TGM2: variants seen among roughly 807,000 people sequenced by gnomAD.
The protein encoded by TGM2 is protein-glutamine gamma-glutamyltransferase 2.
TGM2 carries 53 observed loss-of-function variants against 75.6 expected under a neutral mutation model. The observed-to-expected ratio is 0.70, with a 90% CI of 0.56 to 0.88. TGM2 has a LOEUF of 0.88. Ranked by LOEUF, TGM2 falls within the 40% of genes least tolerant of loss-of-function variation. TGM2 has a pLI of 0.00. For missense variants in TGM2, 842 were observed against 928.5 expected, an observed-to-expected ratio of 0.91 and a Z score of 1.21; for synonymous variants, 374 against 381.1, an observed-to-expected ratio of 0.98 and a Z score of 0.22.
upstream of TGM2, among the ~76,000 whole-genome samples, chr20:38,165,700 A>ACG (rs1555811740): frequency 7.4e-5 from 11 of 147,916 alleles, no homozygotes; most frequent in African/African-American, 2.5e-4. Context: ...ACACACACAC[A>ACG]CGCACACACT....
Position 38,130,173 on chromosome 20 carries a change from T to C in TGM2, c.*46A>G. ...TTTGCTCACTAGCTTGGGATAAGGA[T>C]TGGGATCAAGGTGGGGGCTCTCAGC... is the stretch of plus-strand genomic sequence containing the variant. On this transcript the variant is annotated 3_prime_UTR_variant, in exon 13 of 13. Coordinates refer to ENST00000361475, the MANE Select transcript of TGM2 (RefSeq NM_004613.4). 6.2e-7 allele frequency: 1 copy of C among 1,610,628 alleles called. No homozygotes were observed. Among genetic ancestry groups the C allele is most frequent in the Non-Finnish European group, 8.5e-7 (1 of 1,179,006 alleles).
In TGM2 at chr20:38,156,080, G is replaced by A; in HGVS notation, c.200C>T (p.Pro67Leu). ...LTFSVVTGPAPSQEAGTKARF... is the reference protein window; with the variant it reads ...LTFSVVTGPALSQEAGTKARF... ...GGCCTTGGTCCCGGCCTCCTGGCTA[G>A]GGGCTGGGCCTGTGGAGGGAGAAGC... The change falls in exon 3 of 13, where the codon CCT (proline) becomes CTT (leucine). Residue 67 changes from proline (P) to leucine (L), a missense_variant. Physicochemically the swap from Pro to Leu is moderately conservative, Grantham distance 98. Transcript: ENST00000361475. The A allele has an allele frequency of 6.2e-7, 1 of 1,612,976 alleles. No homozygotes were observed. Among genetic ancestry groups the A allele is most frequent in the South Asian group, 1.1e-5 (1 of 90,918 alleles).
chr20:38,148,273 G>A (rs565422577), intron 4 of TGM2, among the ~76,000 whole-genome samples, 184 bp from the exon 5 acceptor site: 10 of 152,352 alleles, frequency 6.6e-5, no homozygotes, highest in African/African-American at 2.2e-4. Context: ...AATGGAGTGG[G>A]ACAATGACTG....
At chr20:38,168,359 G>A (rs1453145055), upstream of TGM2, among the ~76,000 whole-genome samples, 2 of 152,192 alleles carry the variant, frequency 1.3e-5, no homozygotes, top group Non-Finnish European at 2.9e-5. Flanking sequence ...CTGGGAAACT[G>A]TGCCCTGTCT....
chr20:38,135,404 T>TACACACACACACACACACAC lies in TGM2; in HGVS notation c.1615+2689_1615+2708dup, dbSNP rs111420640. On this transcript the variant is annotated intron_variant, in intron 10 of 12. Coordinates refer to ENST00000361475, the MANE Select transcript of TGM2 (RefSeq NM_004613.4). ...ACCGCACTTGGACCTCCTAAATGTA[T>TACACACACACACACACACAC]ACACACACACACACACACACACACA... 3.5e-3 allele frequency among the ~76,000 whole-genome samples: 511 copies of TACACACACACACACACACAC among 147,420 alleles called. 9 individuals are homozygous for TACACACACACACACACACAC. In the East Asian group the frequency reaches 0.035, roughly 10 times the overall value.
At chr20:38,143,200 A>G (rs952986006) in intron 6 of TGM2, among the ~76,000 whole-genome samples, 1 of 152,156 alleles carries the variant, frequency 6.6e-6, no homozygotes, top group Admixed American at 6.5e-5. Context: ...ACTCTCCCCA[A>G]GATAGGGACT....
At chr20:38,141,155 C>G (rs1470089719) in intron 8 of TGM2, 127 bp downstream of exon 8, 1 of 685,666 alleles carries the variant, frequency 1.5e-6, no homozygotes, top group African/African-American at 1.8e-5. Context: ...AGGTCCCCCA[C>G]CCTTCTGTGG....
chr20:38,153,183 G>T (rs913962832), intron 3 of TGM2, among the ~76,000 whole-genome samples: 11 of 152,132 alleles, frequency 7.2e-5, no homozygotes, highest in Non-Finnish European at 5.9e-5. Context: ...GTGGGGGCTG[G>T]ACCATCCACA....
intron 2 of TGM2, among the ~76,000 whole-genome samples, chr20:38,160,415 T>C (rs1169611233): frequency 6.6e-6 from 1 of 152,192 alleles, no homozygotes; most frequent in African/African-American, 2.4e-5. Flanking sequence ...TGGTGTCCCT[T>C]TACCTATCCC....
chr20:38,139,285 C>T (rs2074938747), intron 9 of TGM2, 127 bp downstream of exon 9: 2 of 1,357,004 alleles, frequency 1.5e-6, no homozygotes, highest in Admixed American at 3.8e-5. Flanking sequence ...TGGAGTATAG[C>T]CTACGGGGCC....
intron 10 of TGM2, 76 bp from the exon 11 acceptor site, chr20:38,132,576 C>T (rs772721615): frequency 3.8e-6 from 6 of 1,580,010 alleles, no homozygotes; most frequent in Non-Finnish European, 5.2e-6. Flanking sequence ...CCAAGAGGCA[C>T]AGAGAGGGGA....
upstream of TGM2, among the ~76,000 whole-genome samples, chr20:38,165,976 G>A (rs1023940314): frequency 6.6e-6 from 1 of 151,942 alleles, no homozygotes; most frequent in Admixed American, 6.6e-5. Flanking sequence ...AGAGGCACCT[G>A]GCACACACAC....
intron 3 of TGM2, among the ~76,000 whole-genome samples, chr20:38,152,855 G>A (rs1349659206): frequency 2.0e-5 from 3 of 152,238 alleles, no homozygotes; most frequent in Admixed American, 6.5e-5. Flanking sequence ...ACCCGCCGCC[G>A]GGTGAGGCCA....
rs975085997 is a variant in TGM2 at position 38,132,904 on chromosome 20, C to G, written c.1616-404G>C. The G allele has an allele frequency of 6.6e-6, 3 of 455,490 alleles. 1 individual carries two copies. The highest frequency in any genetic ancestry group is 3.3e-4 in the Middle Eastern group (1 of 3,064). The allele number at this position is 455,490 out of a possible 1,614,324, so 28.2% of individuals were successfully genotyped here. A position where few individuals can be genotyped will look rare whatever the true frequency, so the allele number is the denominator to read the frequency against. On this transcript the variant is annotated intron_variant, in intron 10 of 12. Transcript: ENST00000361475. ...GCGCTCGGGACTCAGGGTGTGTGAGCCGCGGGCCCTTCATCCTGGGGAGGA... is the reference window on the plus strand; with the variant it reads ...GCGCTCGGGACTCAGGGTGTGTGAGGCGCGGGCCCTTCATCCTGGGGAGGA...
chr20:38,134,792 A>T (rs16987150), intron 10 of TGM2, among the ~76,000 whole-genome samples: 1 of 152,002 alleles, frequency 6.6e-6, no homozygotes, highest in Non-Finnish European at 1.5e-5. Flanking sequence ...CCTTTCAGCC[A>T]TCCAGGGCCT....
intron 6 of TGM2, among the ~76,000 whole-genome samples, chr20:38,144,227 C>T (rs541081858): frequency 6.6e-6 from 1 of 152,230 alleles, no homozygotes; most frequent in Non-Finnish European, 1.5e-5. Flanking sequence ...ACTGACCCTG[C>T]TGCTCACCAG....
chr20:38,137,899 T>C, intron 10 of TGM2: 6 of 1,157,170 alleles, frequency 5.2e-6, no homozygotes, highest in Non-Finnish European at 7.1e-6. Flanking sequence ...TCTACTCATC[T>C]GGAAAACGGA....
At chr20:38,149,824 C>T (rs45518040) in intron 4 of TGM2, among the ~76,000 whole-genome samples, 1,863 of 152,268 alleles carry the variant, frequency 0.012, 13 homozygotes, top group Non-Finnish European at 0.019. Flanking sequence ...GGTCATACCA[C>T]CATTTCATTT....
At chr20:38,143,349 T>C (rs1008670118) in intron 6 of TGM2, among the ~76,000 whole-genome samples, 6 of 152,234 alleles carry the variant, frequency 3.9e-5, no homozygotes, top group African/African-American at 1.2e-4. Context: ...GTGATGCCAC[T>C]GAGGACTCAT....
Sources: allele counts gnomAD v4.1 joint callset (sites outside exome capture counted in the v4.1 genomes callset), GRCh38; gene constraint gnomAD v4.1.1; transcripts MANE v1.5; gene names NCBI Gene and HGNC (gene_info 2026-07-23, HGNC 2026-07-21).